The following PCGF3 variants were observed in gnomAD, a reference collection of about 807,000 sequenced individuals.
PCGF3 encodes the protein polycomb group RING finger protein 3.
PCGF3 carries 7 observed loss-of-function variants against 33.1 expected under a neutral mutation model. That is an observed-to-expected ratio of 0.21 (90% confidence interval 0.12 to 0.40). The LOEUF (loss-of-function observed/expected upper bound fraction) is 0.40. Among genes scored for constraint, PCGF3 ranks in the 10% least tolerant of loss-of-function variants. PCGF3 has a pLI of 1.00. For synonymous variants in PCGF3, 153 were observed against 121.3 expected (o/e 1.26, Z -1.72); for missense variants, 211 against 313.3 (o/e 0.67, Z 2.46).
chr4:754,249 G>A (rs1165637484), intron 8 of PCGF3, among the ~76,000 whole-genome samples: 7 of 152,190 alleles, frequency 4.6e-5, no homozygotes, highest in African/African-American at 1.2e-4. Context: ...TGGCTCTTGT[G>A]TCTGGAGCTG....
chr4:731,560 C>T (rs1202362825), intron 3 of PCGF3, among the ~76,000 whole-genome samples: 5 of 134,280 alleles, frequency 3.7e-5, no homozygotes, highest in Non-Finnish European at 5.1e-5. Context: ...GGCTCCCCCT[C>T]CCGTCGTGGG....
intron 5 of PCGF3, among the ~76,000 whole-genome samples, chr4:736,466 C>G (rs937355189): frequency 6.6e-6 from 1 of 151,654 alleles, no homozygotes; most frequent in African/African-American, 2.4e-5. Flanking sequence ...GGGACAGTGT[C>G]CCCTGAGCGC....
rs1743751546 is a variant in PCGF3, at chr4:734,531, G to T, written c.110-400G>T. ...TTAGATATTGGTTAGCATATTTTATGTTAGGTTATTTTCATTTGATTTTAT... is the reference window on the plus strand; with the variant it reads ...TTAGATATTGGTTAGCATATTTTATTTTAGGTTATTTTCATTTGATTTTAT... On this transcript the variant is annotated intron_variant, in intron 4 of 10. Transcript: ENST00000362003. 4.2e-6 allele frequency: 5 copies of T among 1,184,918 alleles called. No individual in the cohort carries two copies. The Admixed American group carries it at 1.6e-4, about 39-fold the overall frequency. 73.4% of individuals were successfully genotyped at this position (1,184,918 alleles called of 1,614,324 possible). A position where few individuals can be genotyped will look rare whatever the true frequency, so the allele number is the denominator to read the frequency against.
intron 8 of PCGF3, among the ~76,000 whole-genome samples, chr4:761,015 G>C (rs752026278): frequency 6.6e-6 from 1 of 152,298 alleles, no homozygotes; most frequent in South Asian, 2.1e-4. Context: ...AGTAACTGTG[G>C]GATTAACTCT....
At chr4:738,975 A>G (rs2152582467) in intron 6 of PCGF3, among the ~76,000 whole-genome samples, 1 of 152,320 alleles carries the variant, frequency 6.6e-6, no homozygotes, top group African/African-American at 2.4e-5. Context: ...AGCAGTTTCT[A>G]GGCGTGGCCG....
exon 11 of PCGF3, chr4:768,656 A>G (rs1465337091): frequency 1.3e-5 from 2 of 152,540 alleles, no homozygotes; most frequent in Non-Finnish European, 2.9e-5. Context: ...AGAATATATA[A>G]TATTGAATTT....
intron 1 of PCGF3, among the ~76,000 whole-genome samples, chr4:725,562 C>G (rs796175613): frequency 0.044 from 4,057 of 91,660 alleles, 222 homozygotes; most frequent in Middle Eastern, 0.095. Context: ...CGCTGTGGCT[C>G]CGTGGGCTGC....
chr4:761,267 C>G lies in PCGF3; in HGVS notation c.463-12C>G, dbSNP rs928371296. The G allele has an allele frequency of 1.9e-6, 3 of 1,573,942 alleles. No individual in the cohort carries two copies. The African/African-American group carries it at 4.1e-5, about 21-fold the overall frequency. ...CCTCCTGCTGCGCTCTCACCAGCGT[C>G]CTTTCCCGCAGGTGAGCATCTGCCT... On this transcript the variant is annotated splice_polypyrimidine_tract_variant and intron_variant, in intron 8 of 10. Coordinates refer to ENST00000362003, the Ensembl canonical transcript of PCGF3.
intron 4 of PCGF3, chr4:734,473 G>C (rs1743749364): frequency 8.0e-7 from 1 of 1,247,064 alleles, no homozygotes. Flanking sequence ...TTGCCAATTT[G>C]ATAGAATTTT....
At chr4:765,937 AC>A in intron 10 of PCGF3, 94 bp from the exon 11 acceptor site, 1 of 1,098,138 alleles carries the variant, frequency 9.1e-7, no homozygotes, top group Non-Finnish European at 1.4e-6. Context: ...ACTGTGCCTC[AC>A]GGGACGTGAT....
intron 8 of PCGF3, among the ~76,000 whole-genome samples, chr4:753,263 A>G (rs1449081995): frequency 6.6e-6 from 1 of 152,234 alleles, no homozygotes; most frequent in Non-Finnish European, 1.5e-5. Context: ...AGCTCCCTGC[A>G]GCCTCGACCT....
intron 8 of PCGF3, chr4:757,394 A>G (rs1198465607): frequency 6.6e-6 from 1 of 152,212 alleles, no homozygotes; most frequent in Non-Finnish European, 1.5e-5. Context: ...CGTGAAGCCC[A>G]CCATGGCCAT....
chr4:760,728 A>G lies in PCGF3; in HGVS notation c.463-551A>G, dbSNP rs530059636. 1.1e-3 allele frequency among the ~76,000 whole-genome samples: 165 copies of G among 152,306 alleles called. 1 individual carries two copies. The highest frequency in any genetic ancestry group is 3.7e-3 in the African/African-American group (155 of 41,574). On this transcript the variant is annotated intron_variant, in intron 8 of 10. Transcript: ENST00000362003. ...TTGGGTGAAGCCTCGTCCTGGGCAG[A>G]TTCCTTTTCGCACCGGGCAGGGAGC... is the stretch of plus-strand genomic sequence containing the variant.
Position 733,732 on chromosome 4 carries a change from C to T in PCGF3, c.52C>T (p.Arg18Cys), listed in dbSNP as rs780392365. Residue 18 changes from arginine to cysteine, a missense_variant, in exon 4 of 11, where the codon CGC becomes TGC. By Grantham distance (180) the Arg-to-Cys change is radical (BLOSUM62 -3). Coordinates refer to ENST00000362003, the Ensembl canonical transcript of PCGF3. ...GGACATCAACGCCCACATCACCTGC[C>T]GCCTGTGCAGCGGGTACCTCATCGA... 80 of 1,612,140 alleles carry T rather than the reference C, an allele frequency of 5.0e-5. No homozygotes were observed. The highest frequency in any genetic ancestry group is 6.1e-5 in the Non-Finnish European group (72 of 1,179,976).
chr4:757,332 C>T (rs1252070861), intron 8 of PCGF3: 1 of 152,252 alleles, frequency 6.6e-6, no homozygotes, highest in Non-Finnish European at 1.5e-5. Context: ...TTCCCTGAGT[C>T]GGAGACGGCG....
chr4:752,755 T>C (rs1313877717), intron 8 of PCGF3, among the ~76,000 whole-genome samples: 2 of 152,206 alleles, frequency 1.3e-5, no homozygotes, highest in African/African-American at 4.8e-5. Flanking sequence ...AGACTGAGGC[T>C]GGGCAGACGG....
chr4:749,167 G>GT (rs1438687387), intron 8 of PCGF3, among the ~76,000 whole-genome samples: 1 of 152,072 alleles, frequency 6.6e-6, no homozygotes, highest in Non-Finnish European at 1.5e-5. Flanking sequence ...ATTGAATTTT[G>GT]TTTTTTTCTT....
chr4:766,575 T>C (rs1378116105), exon 11 of PCGF3: 1 of 152,364 alleles, frequency 6.6e-6, no homozygotes, highest in African/African-American at 2.4e-5. Context: ...GATTTAGAAG[T>C]TATATAAAAA....
At chr4:723,825 G>C (rs1436588369) in intron 1 of PCGF3, 1 of 152,582 alleles carries the variant, frequency 6.6e-6, no homozygotes, top group Admixed American at 6.5e-5. Context: ...TGTGTGACGC[G>C]TCAGGCCCCA....
Sources: allele counts gnomAD v4.1 joint callset (sites outside exome capture counted in the v4.1 genomes callset), GRCh38; gene constraint gnomAD v4.1.1; transcripts MANE v1.5; gene names NCBI Gene and HGNC (gene_info 2026-07-23, HGNC 2026-07-21).